The following ADGRL2 variants were observed in gnomAD, a reference collection of about 807,000 sequenced individuals.
ADGRL2 encodes adhesion G protein-coupled receptor L2.
In ADGRL2, 44 loss-of-function variants were observed where a neutral mutation model predicts 157.4. That is an observed-to-expected ratio of 0.28 (90% CI 0.22 to 0.36). The LOEUF (loss-of-function observed/expected upper bound fraction) is 0.36, where lower values mean the gene tolerates loss of function less well. ADGRL2 is among the 10% of genes least tolerant of loss of function. The probability of loss-of-function intolerance (pLI) is 1.00; values close to 1 mark genes in which losing one functional copy is unlikely to be tolerated. For missense variants in ADGRL2, 1,510 were observed against 1,768.9 expected (o/e 0.85, Z 2.63); for synonymous variants, 585 against 624.7 (o/e 0.94, Z 0.95).
At chr1:81,932,951 C>A (rs1409240984) in intron 3 of ADGRL2, among the ~76,000 whole-genome samples, 1 of 152,138 alleles carries the variant, frequency 6.6e-6, no homozygotes, top group African/African-American at 2.4e-5. Context: ...ATCCACCCAC[C>A]TCGGCCTCCC....
chr1:81,930,710 A>G (rs1347931187), intron 3 of ADGRL2, among the ~76,000 whole-genome samples: 3 of 152,218 alleles, frequency 2.0e-5, no homozygotes, highest in African/African-American at 7.2e-5. Flanking sequence ...CTTCAAAATT[A>G]TTTGTTACAC....
rs139129579 is a variant in ADGRL2 at position 81,943,620 on chromosome 1, G to T, written c.1061G>T (p.Arg354Leu). 5.6e-6 allele frequency: 9 copies of T among 1,613,618 alleles called. No individual in the cohort carries two copies. Among genetic ancestry groups the T allele is most frequent in the Non-Finnish European group, 6.8e-6 (8 of 1,179,666 alleles). The change falls in exon 6 of 24, where the codon CGA becomes CTA. Residue 354 changes from arginine (R) to leucine (L), a missense_variant. Physicochemically the swap from Arg to Leu is moderately radical, Grantham distance 102. Transcript: ENST00000686636. This position sits in a 1 kb window ranked among gnomAD's most constrained non-coding sequence, Gnocchi z 5.6. ...TACATTTATAATACCCGATTAAACC[G>T]AGGAGAATATGTAGATGTTCCCTTC... ...IDYIYNTRLN[R>L]GEYVDVPFPN... is the part of the protein sequence containing the mutation.
intron 2 of ADGRL2, among the ~76,000 whole-genome samples, chr1:81,545,299 T>C (rs2079987173): frequency 2.0e-5 from 3 of 151,954 alleles, no homozygotes; most frequent in African/African-American, 4.8e-5. Context: ...TTTTTTTTTT[T>C]TTTTTGAGAC....
chr1:81,682,943 C>A (rs61773243), intron 3 of ADGRL2, among the ~76,000 whole-genome samples: 3,332 of 152,190 alleles, frequency 0.022, 59 homozygotes, highest in Middle Eastern at 0.048. Flanking sequence ...ACCAGCCTGG[C>A]CAAAATGGTG....
intron 2 of ADGRL2, among the ~76,000 whole-genome samples, chr1:81,479,024 A>C (rs920897232): frequency 6.6e-6 from 1 of 152,138 alleles, no homozygotes; most frequent in Non-Finnish European, 1.5e-5. Context: ...TATTTAACTC[A>C]TTTCTTTATA....
At chr1:81,622,271 C>T (rs1055811155) in intron 3 of ADGRL2, among the ~76,000 whole-genome samples, 11 of 152,082 alleles carry the variant, frequency 7.2e-5, no homozygotes, top group African/African-American at 1.2e-4. Flanking sequence ...AATATGGCAC[C>T]GTGGGTCCTT....
At chr1:81,392,749 C>T (rs1286449850) in intron 1 of ADGRL2, among the ~76,000 whole-genome samples, 1 of 151,896 alleles carries the variant, frequency 6.6e-6, no homozygotes, top group Non-Finnish European at 1.5e-5. Context: ...TTTATTAGTT[C>T]AGCCTCTCTT....
chr1:81,946,696 A>G (rs1438239904), intron 6 of ADGRL2, among the ~76,000 whole-genome samples: 1 of 152,178 alleles, frequency 6.6e-6, no homozygotes, highest in Non-Finnish European at 1.5e-5. Flanking sequence ...TTGTTTATAT[A>G]TAGCATAGAA....
At chr1:81,547,927 A>T (rs1250697725) in intron 2 of ADGRL2, among the ~76,000 whole-genome samples, 4 of 152,242 alleles carry the variant, frequency 2.6e-5, no homozygotes, top group African/African-American at 7.2e-5. Flanking sequence ...ACTATGTCAG[A>T]TACTGTGCAT....
intron 2 of ADGRL2, among the ~76,000 whole-genome samples, chr1:81,898,422 C>T (rs2094431904): frequency 6.6e-6 from 1 of 151,944 alleles, no homozygotes; most frequent in African/African-American, 2.4e-5. Context: ...TTTTACTTTC[C>T]ACGTGTCGTA....
In ADGRL2 at chr1:81,661,382, C is replaced by T. The variant is rs111587056; in HGVS notation, c.-143+80402C>T. 3.6e-3 allele frequency among the ~76,000 whole-genome samples: 545 copies of T among 152,158 alleles called. 4 individuals carry two copies. The highest frequency in any genetic ancestry group is 0.012 in the African/African-American group (511 of 41,522). On this transcript the variant is annotated intron_variant, in intron 3 of 24. Transcript: ENST00000370721. ...TAATCATTACACGTTTTTGGTTGCTCAGGACATTGTATTAGTGTAACAATT... is the reference window on the plus strand; with the variant it reads ...TAATCATTACACGTTTTTGGTTGCTTAGGACATTGTATTAGTGTAACAATT...
chr1:81,505,618 T>C, intron 2 of ADGRL2, among the ~76,000 whole-genome samples: 1 of 150,356 alleles, frequency 6.7e-6, no homozygotes, highest in Admixed American at 6.6e-5. Flanking sequence ...CCCCTGAAGG[T>C]GCCATCAGCC....
At chr1:81,890,952 G>A (rs1431552784) in intron 2 of ADGRL2, among the ~76,000 whole-genome samples, 1 of 152,016 alleles carries the variant, frequency 6.6e-6, no homozygotes, top group Non-Finnish European at 1.5e-5. Flanking sequence ...CCCAAGTCCC[G>A]TTTCTTGGTA....
chr1:81,743,218 A>G (rs2085128700), intron 1 of ADGRL2, among the ~76,000 whole-genome samples: 2 of 151,994 alleles, frequency 1.3e-5, no homozygotes, highest in African/African-American at 4.8e-5. Flanking sequence ...TGGAATTAGA[A>G]CAAGTTAAAG....
intron 1 of ADGRL2, among the ~76,000 whole-genome samples, chr1:81,819,334 T>A (rs17107225): frequency 0.04 from 6,105 of 152,162 alleles, 371 homozygotes; most frequent in African/African-American, 0.13. Flanking sequence ...CTTTTATGTA[T>A]TCCATTAGCC....
intron 1 of ADGRL2, among the ~76,000 whole-genome samples, chr1:81,380,746 G>T (rs559929542): frequency 6.6e-6 from 1 of 151,862 alleles, no homozygotes; most frequent in South Asian, 2.1e-4. Flanking sequence ...TTCCAAAACC[G>T]CAGATTTATG....
chr1:81,610,049 A>T (rs2081508842), intron 3 of ADGRL2, among the ~76,000 whole-genome samples: 1 of 152,174 alleles, frequency 6.6e-6, no homozygotes, highest in African/African-American at 2.4e-5. Context: ...ACTGTCAGCT[A>T]ACAGCCTCCC....
At chr1:81,722,530 C>G (rs2149132454) in intron 1 of ADGRL2, 1 of 1,552,142 alleles carries the variant, frequency 6.4e-7, no homozygotes, top group East Asian at 2.2e-5. Flanking sequence ...TGAAATAAAT[C>G]CTGATTCAGC....
intron 1 of ADGRL2, among the ~76,000 whole-genome samples, chr1:81,725,873 G>T (rs749704312): frequency 6.6e-6 from 1 of 151,978 alleles, no homozygotes; most frequent in African/African-American, 2.4e-5. Context: ...GTCCCCGCTA[G>T]TTGCGGGGCT....
Sources: allele counts gnomAD v4.1 joint callset (sites outside exome capture counted in the v4.1 genomes callset), GRCh38; gene constraint gnomAD v4.1.1; non-coding constraint Gnocchi (gnomAD v3.1); transcripts MANE v1.5; gene names NCBI Gene and HGNC (gene_info 2026-07-23, HGNC 2026-07-21).